FAM135B: variants seen among roughly 807,000 people sequenced by gnomAD.
FAM135B encodes the protein protein FAM135B.
A neutral mutation model predicts 127.7 loss-of-function variants in FAM135B; 43 were observed. That is an observed-to-expected ratio of 0.34 (90% CI 0.26 to 0.43). FAM135B has a LOEUF of 0.43. FAM135B is among the 20% of genes least tolerant of loss of function. The probability of loss-of-function intolerance (pLI) is 1.00; values close to 1 mark genes in which losing one functional copy is unlikely to be tolerated. For missense variants in FAM135B, 1,558 were observed against 1,725.6 expected (o/e 0.90, Z 1.72); for synonymous variants, 670 against 665.1 (o/e 1.01, Z -0.11).
At chr8:138,218,639 T>C (rs374677383) in intron 7 of FAM135B, among the ~76,000 whole-genome samples, 6 of 152,202 alleles carry the variant, frequency 3.9e-5, no homozygotes, top group African/African-American at 1.4e-4. Flanking sequence ...AGTTGCTCAA[T>C]AGATATCCCT....
In FAM135B at chr8:138,384,504, C is replaced by T. The variant is rs187367580; in HGVS notation, c.-19-16502G>A. On this transcript the variant is annotated intron_variant, in intron 1 of 19. Transcript: ENST00000395297. ...GACCAGACTCCAGTGACTCAAGAAC[C>T]CAGACTGGCAGAGGCTCTACTGCAA... Among the ~76,000 whole-genome samples, 443 of 152,190 alleles carry T rather than the reference C, an allele frequency of 2.9e-3. 3 individuals carry two copies. Among genetic ancestry groups the T allele is most frequent in the African/African-American group, 9.6e-3 (400 of 41,526 alleles).
intron 18 of FAM135B, 25 bp from the exon 19 acceptor site, chr8:138,137,285 C>T (rs200762412): frequency 1.8e-5 from 23 of 1,275,306 alleles, no homozygotes; most frequent in Admixed American, 3.4e-5. Context: ...CAGATGAGTG[C>T]TTTTTACCCA....
At chr8:138,481,037 G>A (rs1011138825) in intron 1 of FAM135B, among the ~76,000 whole-genome samples, 1 of 152,170 alleles carries the variant, frequency 6.6e-6, no homozygotes, top group African/African-American at 2.4e-5. Context: ...AGAAACTACT[G>A]TCTGTTACCT....
chr8:138,272,021 C>T lies in FAM135B; in HGVS notation c.158-6179G>A, dbSNP rs569861856. On this transcript the variant is annotated intron_variant, in intron 3 of 19. Transcript: ENST00000395297. Reference sequence around the variant, plus strand: ...CAAATGTTTTTTTTTTTTAATTTTACTCCTTAATTTGTTTATTCATTCATT... The same window carrying T: ...CAAATGTTTTTTTTTTTTAATTTTATTCCTTAATTTGTTTATTCATTCATT... Among the ~76,000 whole-genome samples, 12 of 150,258 alleles carry T rather than the reference C, an allele frequency of 8.0e-5. No homozygotes were observed. The East Asian group carries it at 1.8e-3, about 22-fold the overall frequency.
At chr8:138,401,025 G>A (rs1833126566) in intron 1 of FAM135B, among the ~76,000 whole-genome samples, 1 of 152,166 alleles carries the variant, frequency 6.6e-6, no homozygotes, top group South Asian at 2.1e-4. Flanking sequence ...TTCAAAGGGA[G>A]AGGCTTAGCA....
At chr8:138,437,243 G>A (rs1835505515) in intron 1 of FAM135B, 1 of 152,184 alleles carries the variant, frequency 6.6e-6, no homozygotes, top group Admixed American at 6.6e-5. Flanking sequence ...ACAAACATGG[G>A]TTAAAACCCT....
intron 1 of FAM135B, among the ~76,000 whole-genome samples, chr8:138,482,378 T>A (rs752490478): frequency 5.3e-5 from 8 of 152,134 alleles, no homozygotes; most frequent in Non-Finnish European, 1.2e-4. Flanking sequence ...GAAATGAGCA[T>A]CCTACCAGGG....
chr8:138,204,941 T>G (rs1345944023), intron 7 of FAM135B, among the ~76,000 whole-genome samples: 1 of 152,262 alleles, frequency 6.6e-6, no homozygotes, highest in Admixed American at 6.5e-5. Context: ...AAAAGAAATG[T>G]TAGGTTTAGC....
chr8:138,306,110 C>A (rs1826237690), intron 3 of FAM135B, among the ~76,000 whole-genome samples: 1 of 152,102 alleles, frequency 6.6e-6, no homozygotes, highest in African/African-American at 2.4e-5. Context: ...TGTTGGCAAG[C>A]CACATCCTAT....
At chr8:138,136,591 T>A (rs879828562) in intron 19 of FAM135B, among the ~76,000 whole-genome samples, 9 of 151,824 alleles carry the variant, frequency 5.9e-5, no homozygotes, top group East Asian at 1.9e-4. Flanking sequence ...AACATGTTTT[T>A]AAAAAAAAAC....
rs754652991 is a variant in FAM135B at position 138,250,990 on chromosome 8, C to A, written c.393G>T (p.Pro131=). 5 of 1,613,962 alleles carry A rather than the reference C, an allele frequency of 3.1e-6. No homozygotes were observed. Among genetic ancestry groups the A allele is most frequent in the Non-Finnish European group, 4.2e-6 (5 of 1,179,998 alleles). Reference sequence around the variant, plus strand: ...GGCCAAGCGTTCGGCTGCTGACCATCGGTGCCCCAGCCACATCCCTCAACC... The same window carrying A: ...GGCCAAGCGTTCGGCTGCTGACCATAGGTGCCCCAGCCACATCCCTCAACC... ...EQQLRDVAGA[P]MVSSRTLGLH... is the part of the protein sequence containing the mutation. Residue 131 remains proline, a synonymous_variant, in exon 6 of 20, where the codon CCG becomes CCT. Coordinates refer to ENST00000395297, the MANE Select transcript of FAM135B (RefSeq NM_015912.4).
At chr8:138,321,395 G>T (rs1009600755) in intron 2 of FAM135B, among the ~76,000 whole-genome samples, 32 of 152,210 alleles carry the variant, frequency 2.1e-4, no homozygotes, top group African/African-American at 7.0e-4. Flanking sequence ...TTTCAGGGAT[G>T]CCTGCGGGAT....
At chr8:138,361,502 G>T (rs1396632588) in intron 2 of FAM135B, among the ~76,000 whole-genome samples, 6 of 152,168 alleles carry the variant, frequency 3.9e-5, no homozygotes, top group Admixed American at 3.9e-4. Context: ...AATAAGATCA[G>T]ATCTTTACTC....
chr8:138,395,607 C>T (rs1360772767), intron 1 of FAM135B, among the ~76,000 whole-genome samples: 1 of 152,144 alleles, frequency 6.6e-6, no homozygotes, highest in Non-Finnish European at 1.5e-5. Context: ...TCTCCTTGGG[C>T]ACAAGTGTCC....
intron 2 of FAM135B, among the ~76,000 whole-genome samples, chr8:138,330,546 C>T (rs1270776346): frequency 1.3e-5 from 2 of 152,120 alleles, no homozygotes; most frequent in African/African-American, 4.8e-5. Flanking sequence ...CCCTGTGCTG[C>T]CGCCGAGTCC....
chr8:138,288,115 C>T (rs1187108922), intron 3 of FAM135B, among the ~76,000 whole-genome samples: 1 of 152,066 alleles, frequency 6.6e-6, no homozygotes, highest in Non-Finnish European at 1.5e-5. Flanking sequence ...CGTTTATTAT[C>T]CCACCTCTCA....
chr8:138,155,911 T>C (rs534769753), intron 12 of FAM135B, among the ~76,000 whole-genome samples: 35 of 152,140 alleles, frequency 2.3e-4, no homozygotes, highest in Non-Finnish European at 4.6e-4. Context: ...AACAAGGATA[T>C]CCAGAACTTG....
At chr8:138,353,549 T>C (rs1829906181) in intron 2 of FAM135B, among the ~76,000 whole-genome samples, 1 of 152,200 alleles carries the variant, frequency 6.6e-6, no homozygotes, top group South Asian at 2.1e-4. Context: ...CAAATATATA[T>C]AAATTGTGAA....
rs764102507 is a variant in FAM135B at position 138,243,166 on chromosome 8, G to A, written c.543-98C>T. The A allele has an allele frequency of 2.1e-6, 3 of 1,419,248 alleles. No individual in the cohort carries two copies. The highest frequency in any genetic ancestry group is 2.8e-6 in the Non-Finnish European group (3 of 1,066,202). The allele number at this position is 1,419,248 out of a possible 1,614,324, so 87.9% of individuals were successfully genotyped here. On this transcript the variant is annotated intron_variant, in intron 6 of 19. Coordinates refer to ENST00000395297, the MANE Select transcript of FAM135B (RefSeq NM_015912.4). The surrounding 1 kb of genome is among the most constrained non-coding windows in gnomAD (Gnocchi z 7.5). ...GAGGAGTGTTCCTGTGAAGCATTTG[G>A]GATAAGTCATTTAGGAGTAGTTCAC...
Sources: allele counts gnomAD v4.1 joint callset (sites outside exome capture counted in the v4.1 genomes callset), GRCh38; gene constraint gnomAD v4.1.1; non-coding constraint Gnocchi (gnomAD v3.1); transcripts MANE v1.5; gene names NCBI Gene and HGNC (gene_info 2026-07-23, HGNC 2026-07-21).